WAPL: variants seen among roughly 807,000 people sequenced by gnomAD.
WAPL encodes WAPL cohesin release factor.
Under a neutral mutation model 121.0 loss-of-function variants are expected in WAPL, and 5 were observed. The observed-to-expected ratio is 0.04, with a 90% CI of 0.02 to 0.09. The LOEUF (loss-of-function observed/expected upper bound fraction) is 0.09. Ranked by LOEUF, WAPL falls within the 10% of genes least tolerant of loss-of-function variation. WAPL has a pLI of 1.00. For synonymous variants in WAPL, 480 were observed against 481.5 expected, an observed-to-expected ratio of 1.00 and a Z score of 0.04; for missense variants, 999 against 1,410.8, an observed-to-expected ratio of 0.71 and a Z score of 4.68.
intron 16 of WAPL, 33 bp from the exon 17 acceptor site, chr10:86,443,396 A>G (rs1849522607): frequency 6.3e-7 from 1 of 1,598,002 alleles, no homozygotes. Flanking sequence ...TTGTAACAGT[A>G]TATTAATTAA....
At chr10:86,453,573 C>T (rs1841053885) in intron 13 of WAPL, 83 bp downstream of exon 13, 2 of 1,454,816 alleles carry the variant, frequency 1.4e-6, no homozygotes, top group South Asian at 1.4e-5. Flanking sequence ...AATCACTACC[C>T]CAGGAAAAGG....
chr10:86,507,365 CAAAAAAAAAA>C (rs34752630), intron 2 of WAPL, among the ~76,000 whole-genome samples: 11 of 77,686 alleles, frequency 1.4e-4, no homozygotes, highest in African/African-American at 3.8e-4. Context: ...GACTCTGTCT[CAAAAAAAAAA>C]AAAAAAAAAA....
Position 86,451,979 on chromosome 10 carries a change from C to G in WAPL, c.3102G>C (p.Gln1034His). The change falls in exon 15 of 19, where the codon CAG becomes CAC. Residue 1034 changes from glutamine (Q) to histidine (H), a missense_variant. By Grantham distance (24) the Gln-to-His change is conservative. Transcript: ENST00000298767. Reference sequence around the variant, plus strand: ...AGTGGTTGCTTACCTGCACTAAAGCCTGGACAGCATGAACTTGTCCACCTA... The same window carrying G: ...AGTGGTTGCTTACCTGCACTAAAGCGTGGACAGCATGAACTTGTCCACCTA... Reference protein sequence around the residue: ...LRIGGQVHAVQALVQLFLERE... With the variant: ...LRIGGQVHAVHALVQLFLERE... The G allele has an allele frequency of 6.2e-7, 1 of 1,614,096 alleles. No individual in the cohort carries two copies. The highest frequency in any genetic ancestry group is 1.1e-5 in the South Asian group (1 of 91,078).
At position 86,436,504 on chromosome 10, in the gene WAPL, C is replaced by T. The variant is rs1224958924; in HGVS notation, c.*1039G>A. The T allele has an allele frequency of 3.3e-5, 5 of 152,572 alleles. No homozygotes were observed. The highest frequency in any genetic ancestry group is 9.7e-5 in the African/African-American group (4 of 41,430). 9.5% of individuals were successfully genotyped at this position (152,572 alleles called of 1,614,324 possible). On this transcript the variant is annotated 3_prime_UTR_variant, in exon 19 of 19. Transcript: ENST00000298767. ...AACTGTTTTTCAAATAACTGCTCTA[C>T]GAACAAAGAATCTGAATGAAAAAAG...
At chr10:86,474,513 C>CAAAA (rs11380209) in intron 4 of WAPL, among the ~76,000 whole-genome samples, 2 of 130,116 alleles carry the variant, frequency 1.5e-5, no homozygotes, top group African/African-American at 5.9e-5. Flanking sequence ...GACTCCGTCT[C>CAAAA]AAAAAAAAAA....
chr10:86,516,421 A>G (rs543348914), intron 2 of WAPL, among the ~76,000 whole-genome samples: 1 of 152,312 alleles, frequency 6.6e-6, no homozygotes, highest in East Asian at 1.9e-4. Context: ...CAAAGGACAA[A>G]TTTGCCTTAA....
At chr10:86,492,551 G>A (rs1220772835) in intron 4 of WAPL, among the ~76,000 whole-genome samples, 2 of 152,090 alleles carry the variant, frequency 1.3e-5, no homozygotes, top group Admixed American at 1.3e-4. Flanking sequence ...TGAGACTTCT[G>A]ATGTAAAGCA....
In WAPL at chr10:86,500,454, C is replaced by T. The variant is rs1370220486; in HGVS notation, c.789G>A (p.Met263Ile). 8 of 1,614,130 alleles carry T rather than the reference C, an allele frequency of 5.0e-6. No individual in the cohort carries two copies. Among genetic ancestry groups the T allele is most frequent in the Non-Finnish European group, 6.8e-6 (8 of 1,180,060 alleles). The change falls in exon 3 of 19, where the codon ATG becomes ATA. Residue 263 changes from methionine (M) to isoleucine (I), a missense_variant. Met to Ile is a conservative substitution (Grantham distance 10). Transcript: ENST00000298767. ...LSLDSDPLLE[M>I]KDDDFKNRLE... is the part of the protein sequence containing the mutation. ...ATCGATTTTTAAAATCGTCATCCTT[C>T]ATCTCCAAAAGGGGATCACTATCCA... is the stretch of plus-strand genomic sequence containing the variant.
At chr10:86,440,272 A>G (rs1849429097) in intron 17 of WAPL, among the ~76,000 whole-genome samples, 1 of 152,008 alleles carries the variant, frequency 6.6e-6, no homozygotes. Flanking sequence ...AAATCTTTAA[A>G]TTTAAATATT....
intron 2 of WAPL, among the ~76,000 whole-genome samples, chr10:86,507,352 C>T (rs1486013039): frequency 1.0e-5 from 1 of 100,470 alleles, no homozygotes; most frequent in Non-Finnish European, 1.8e-5. Flanking sequence ...TGGGCGTCAG[C>T]GAGACTCTGT....
intron 11 of WAPL, among the ~76,000 whole-genome samples, chr10:86,460,016 A>T (rs532252522): frequency 6.6e-6 from 1 of 152,354 alleles, no homozygotes; most frequent in African/African-American, 2.4e-5. Context: ...CAAGAGGCTG[A>T]GGCATGAAAT....
chr10:86,490,503 C>A (rs1051702474), intron 4 of WAPL, among the ~76,000 whole-genome samples: 3 of 151,950 alleles, frequency 2.0e-5, no homozygotes, highest in Non-Finnish European at 4.4e-5. Context: ...AAGTTCATAA[C>A]TAAGTTAAAA....
intron 12 of WAPL, among the ~76,000 whole-genome samples, chr10:86,455,113 G>A (rs1260139579): frequency 1.0e-4 from 13 of 125,978 alleles, no homozygotes; most frequent in Admixed American, 7.9e-4. Flanking sequence ...GAGGTGGGGG[G>A]GTGCCTCTGC....
Position 86,437,624 on chromosome 10 carries a change from AG to A in WAPL, c.3508-17del, listed in dbSNP as rs551689163. The A allele has an allele frequency of 9.3e-5, 150 of 1,613,002 alleles. No individual in the cohort carries two copies. The highest frequency in any genetic ancestry group is 5.8e-4 in the Admixed American group (35 of 59,862). On this transcript the variant is annotated splice_polypyrimidine_tract_variant and intron_variant, in intron 18 of 18. Coordinates refer to ENST00000298767, the MANE Select transcript of WAPL (RefSeq NM_015045.5). ...CAACAGCACACTGAAAGCAGGGTGA[AG>A]GGGAAAGGAAGTAACAGTTAATATT... is the stretch of plus-strand genomic sequence containing the variant.
intron 2 of WAPL, among the ~76,000 whole-genome samples, chr10:86,510,804 C>A (rs943895236): frequency 1.3e-5 from 2 of 151,824 alleles, no homozygotes; most frequent in African/African-American, 4.8e-5. Context: ...AAACTTTATT[C>A]GGTAAGTATT....
chr10:86,509,037 C>G (rs1842406757), intron 2 of WAPL, among the ~76,000 whole-genome samples: 1 of 152,230 alleles, frequency 6.6e-6, no homozygotes, highest in South Asian at 2.1e-4. Context: ...GCCACCGCGC[C>G]CGGCCAGTAT....
chr10:86,485,144 C>T (rs1841901337), intron 4 of WAPL, among the ~76,000 whole-genome samples: 1 of 148,604 alleles, frequency 6.7e-6, no homozygotes, highest in Non-Finnish European at 1.5e-5. Context: ...TGCTTTCCAG[C>T]TCCTGATAAC....
At chr10:86,491,874 G>A (rs1312100083) in intron 4 of WAPL, among the ~76,000 whole-genome samples, 1 of 152,122 alleles carries the variant, frequency 6.6e-6, no homozygotes, top group Non-Finnish European at 1.5e-5. Context: ...GTTACCCTGT[G>A]TGTGTGTTAA....
chr10:86,450,342 C>G (rs1388559156), intron 15 of WAPL, among the ~76,000 whole-genome samples: 1 of 152,134 alleles, frequency 6.6e-6, no homozygotes, highest in Non-Finnish European at 1.5e-5. Context: ...TGCAAGCAAT[C>G]CTCTCACTTC....
Sources: gnomAD v4.1 joint callset for allele counts (sites outside exome capture counted in the v4.1 genomes callset) on GRCh38, gnomAD v4.1.1 for gene constraint, MANE v1.5 for transcripts, NCBI Gene and HGNC (gene_info 2026-07-23, HGNC 2026-07-21) for gene names.